The following NDUFAF2 variants were observed in gnomAD, a reference collection of about 807,000 sequenced individuals.
NDUFAF2 encodes the protein NADH dehydrogenase [ubiquinone] 1 alpha subcomplex assembly factor 2.
Under a neutral mutation model 22.8 loss-of-function variants are expected in NDUFAF2, and 13 were observed. That is an observed-to-expected ratio of 0.57 (90% CI 0.37 to 0.91). The LOEUF is 0.91. Ranked by LOEUF, NDUFAF2 falls within the 40% of genes least tolerant of loss-of-function variation. The probability of loss-of-function intolerance (pLI) is 0.01; values close to 1 mark genes in which losing one functional copy is unlikely to be tolerated. For synonymous variants in NDUFAF2, 53 were observed against 64.2 expected, an observed-to-expected ratio of 0.83 and a Z score of 0.84; for missense variants, 162 against 195.2, an observed-to-expected ratio of 0.83 and a Z score of 1.01.
chr5:61,055,597 AG>A (rs1752077567), intron 1 of NDUFAF2, among the ~76,000 whole-genome samples: 1 of 152,236 alleles, frequency 6.6e-6, no homozygotes, highest in African/African-American at 2.4e-5. Context: ...TACCTTTGCC[AG>A]CCAATAAGTG....
chr5:60,997,393 A>G (rs1751241092), intron 1 of NDUFAF2, among the ~76,000 whole-genome samples: 1 of 152,228 alleles, frequency 6.6e-6, no homozygotes, highest in African/African-American at 2.4e-5. Context: ...TATTGTAAAA[A>G]TAATAAGTTA....
At chr5:61,095,866 C>T (rs1196131274) in intron 2 of NDUFAF2, among the ~76,000 whole-genome samples, 5 of 152,220 alleles carry the variant, frequency 3.3e-5, no homozygotes, top group East Asian at 1.9e-4. Context: ...CTCCAGGGGT[C>T]GAGTTGTTTC....
chr5:60,992,811 A>G (rs867160622), intron 1 of NDUFAF2, among the ~76,000 whole-genome samples: 1 of 151,812 alleles, frequency 6.6e-6, no homozygotes, highest in Non-Finnish European at 1.5e-5. Flanking sequence ...AAGTTTAAAA[A>G]TTTTTTCCTT....
intron 1 of NDUFAF2, among the ~76,000 whole-genome samples, chr5:61,007,807 T>C (rs1580091882): frequency 6.6e-6 from 1 of 152,106 alleles, no homozygotes; most frequent in African/African-American, 2.4e-5. Context: ...ACTGGGTATA[T>C]ACCCAAAGGA....
intron 2 of NDUFAF2, among the ~76,000 whole-genome samples, chr5:61,079,770 T>G (rs146906180): frequency 0.026 from 3,977 of 152,336 alleles, 83 homozygotes; most frequent in Non-Finnish European, 0.044. Flanking sequence ...TCTATGTAGC[T>G]GTCACCCAAC....
intron 3 of NDUFAF2, among the ~76,000 whole-genome samples, chr5:61,106,702 C>T (rs1365254895): frequency 6.6e-6 from 1 of 150,480 alleles, no homozygotes; most frequent in Non-Finnish European, 1.5e-5. Flanking sequence ...ACCCAGACTA[C>T]CCTTCCCAGC....
At chr5:60,975,590 T>C (rs1311330928) in intron 1 of NDUFAF2, among the ~76,000 whole-genome samples, 1 of 152,192 alleles carries the variant, frequency 6.6e-6, no homozygotes, top group African/African-American at 2.4e-5. Context: ...TGAGATCTCC[T>C]ACAGTCAGTA....
chr5:61,090,115 TAATC>T (rs1415685845), intron 2 of NDUFAF2, among the ~76,000 whole-genome samples: 13 of 152,114 alleles, frequency 8.5e-5, no homozygotes, highest in African/African-American at 3.1e-4. Flanking sequence ...AAAAGTATAA[TAATC>T]AATAATGATT....
intron 1 of NDUFAF2, among the ~76,000 whole-genome samples, chr5:61,017,446 G>A (rs1220858300): frequency 6.6e-6 from 1 of 151,686 alleles, no homozygotes; most frequent in Non-Finnish European, 1.5e-5. Context: ...GAATGTTTGA[G>A]ACAAAAAAAT....
chr5:60,951,391 G>A (rs774796332), intron 1 of NDUFAF2, among the ~76,000 whole-genome samples: 8 of 152,066 alleles, frequency 5.3e-5, no homozygotes, highest in Non-Finnish European at 8.8e-5. Flanking sequence ...CTGTTTATTC[G>A]TTTGCATATT....
At chr5:61,093,977 G>C (rs574399932) in intron 2 of NDUFAF2, among the ~76,000 whole-genome samples, 1 of 152,118 alleles carries the variant, frequency 6.6e-6, no homozygotes, top group East Asian at 1.9e-4. Flanking sequence ...GTTTCCTCCT[G>C]GTTCAGTCCT....
chr5:61,032,439 A>T (rs1244254426), intron 1 of NDUFAF2, among the ~76,000 whole-genome samples: 1 of 152,190 alleles, frequency 6.6e-6, no homozygotes, highest in East Asian at 1.9e-4. Context: ...AGTTTTCTGC[A>T]TATGGCTAGC....
At chr5:60,985,699 G>T (rs2112581951) in intron 1 of NDUFAF2, among the ~76,000 whole-genome samples, 1 of 152,268 alleles carries the variant, frequency 6.6e-6, no homozygotes, top group Admixed American at 6.5e-5. Flanking sequence ...ATGTAGTTGA[G>T]TGGTTTTGAA....
intron 3 of NDUFAF2, among the ~76,000 whole-genome samples, chr5:61,126,939 A>T (rs1026017992): frequency 6.6e-6 from 1 of 152,176 alleles, no homozygotes; most frequent in Non-Finnish European, 1.5e-5. Context: ...CACAATAAAA[A>T]ATAATAAAGG....
chr5:61,063,046 A>G (rs1444368907), intron 1 of NDUFAF2, among the ~76,000 whole-genome samples: 1 of 152,192 alleles, frequency 6.6e-6, no homozygotes, highest in African/African-American at 2.4e-5. Flanking sequence ...CATACAAGAC[A>G]TACTTAAGGG....
intron 3 of NDUFAF2, among the ~76,000 whole-genome samples, chr5:61,102,737 A>G (rs773422881): frequency 6.6e-6 from 1 of 152,134 alleles, no homozygotes; most frequent in Non-Finnish European, 1.5e-5. Context: ...CATAGTACAT[A>G]TATCTGACAA....
At chr5:61,130,206 A>C (rs1454646936) in intron 3 of NDUFAF2, among the ~76,000 whole-genome samples, 1 of 152,102 alleles carries the variant, frequency 6.6e-6, no homozygotes, top group Non-Finnish European at 1.5e-5. Flanking sequence ...TGAAACTTGT[A>C]CTTAAATATG....
chr5:61,103,391 A>T lies in NDUFAF2; in HGVS notation c.258+4359A>T, dbSNP rs539571348. ...TTTAAAATCCTTGGTTGTTTTCCTC[A>T]CCTTTTTTTCCCTCAACTTCTTAAC... On this transcript the variant is annotated intron_variant, in intron 3 of 3. Coordinates refer to ENST00000296597, the MANE Select transcript of NDUFAF2 (RefSeq NM_174889.5). Among the ~76,000 whole-genome samples, 26 of 149,942 alleles carry T rather than the reference A, an allele frequency of 1.7e-4. No homozygotes were observed. In the South Asian group the frequency reaches 4.3e-3, roughly 25 times the overall value.
intron 3 of NDUFAF2, chr5:61,114,799 A>G (rs2613632): frequency 3.3e-5 from 5 of 152,086 alleles, no homozygotes; most frequent in African/African-American, 1.2e-4. Context: ...GCAGACTTGT[A>G]GAAGTATTGT....
Sources: gnomAD v4.1 joint callset for allele counts (sites outside exome capture counted in the v4.1 genomes callset) on GRCh38, gnomAD v4.1.1 for gene constraint, MANE v1.5 for transcripts, NCBI Gene and HGNC (gene_info 2026-07-23, HGNC 2026-07-21) for gene names.